Variants in GCSAML observed in about 807,000 individuals in gnomAD.
GCSAML encodes the protein germinal center-associated signaling and motility-like protein.
A neutral mutation model predicts 13.0 loss-of-function variants in GCSAML; 9 were observed. The observed-to-expected ratio is 0.69, with a 90% confidence interval of 0.42 to 1.21. The LOEUF (loss-of-function observed/expected upper bound fraction) is 1.21. Among genes scored for constraint, GCSAML ranks in the 50% most tolerant of loss-of-function variants. GCSAML has a pLI of 0.00. For missense variants in GCSAML, 143 were observed against 153.4 expected (o/e 0.93, Z 0.36); for synonymous variants, 37 against 52.9 (o/e 0.70, Z 1.31).
chr1:247,517,243 C>A (rs1447460092), intron 1 of GCSAML, among the ~76,000 whole-genome samples: 1 of 152,150 alleles, frequency 6.6e-6, no homozygotes, highest in Non-Finnish European at 1.5e-5. Flanking sequence ...TTCAGGGCTC[C>A]CCTGTTCTCT....
intron 2 of GCSAML, chr1:247,529,718 GTTTTTTTTTTTTTTT>G (rs57236564): frequency 3.7e-5 from 4 of 108,308 alleles, no homozygotes; most frequent in African/African-American, 1.1e-4. Context: ...CTGTGAAGGT[GTTTTTTTTTTTTTTT>G]TTTTTTTTTT....
In GCSAML at chr1:247,527,286, T is replaced by TC; in HGVS notation, c.-148+232_-148+233insC. 1 of 318,486 alleles carries TC rather than the reference T, an allele frequency of 3.1e-6. No homozygotes were observed. The highest frequency in any genetic ancestry group is 6.2e-6 in the Non-Finnish European group (1 of 161,910). 19.7% of individuals were successfully genotyped at this position (318,486 alleles called of 1,614,324 possible). A position where few individuals can be genotyped will look rare whatever the true frequency, so the allele number is the denominator to read the frequency against. The stretch of plus-strand genomic sequence containing the variant: ...CCTCATGGTTCTGGGAGGGTCTGCG[T>TC]TGTCTGCTATCCCCACATAAACTGA... On this transcript the variant is annotated intron_variant, in intron 2 of 5. Transcript: ENST00000366489. The surrounding 1 kb of genome is among the most constrained non-coding windows in gnomAD (Gnocchi z 4.6).
intron 1 of GCSAML, among the ~76,000 whole-genome samples, chr1:247,510,711 C>T (rs1221681267): frequency 6.6e-6 from 1 of 152,042 alleles, no homozygotes; most frequent in Non-Finnish European, 1.5e-5. Context: ...TTGTTCTCCT[C>T]GGTTTCAAAG....
chr1:247,525,953 T>C (rs1666666015), intron 1 of GCSAML: 1 of 152,242 alleles, frequency 6.6e-6, no homozygotes, highest in South Asian at 2.1e-4. Flanking sequence ...ACCAAATATA[T>C]GCTTCAGAGT....
intron 2 of GCSAML, chr1:247,531,876 C>T: frequency 6.2e-7 from 1 of 1,614,214 alleles, no homozygotes; most frequent in Non-Finnish European, 8.5e-7. Flanking sequence ...GGATGAGCCC[C>T]AGAGGCAGGA....
intron 1 of GCSAML, among the ~76,000 whole-genome samples, chr1:247,517,832 C>G (rs1252573035): frequency 6.6e-6 from 1 of 152,180 alleles, no homozygotes; most frequent in Non-Finnish European, 1.5e-5. Flanking sequence ...AGCCTGTGAA[C>G]CTCTCTAAAT....
chr1:247,512,670 T>C lies in GCSAML; in HGVS notation c.-263+5437T>C, dbSNP rs376139089. Among the ~76,000 whole-genome samples the C allele has an allele frequency of 1.6e-3, 251 of 152,334 alleles. 1 individual carries two copies. Among genetic ancestry groups the C allele is most frequent in the African/African-American group, 5.7e-3 (239 of 41,586 alleles). On this transcript the variant is annotated intron_variant, in intron 1 of 5. Transcript: ENST00000366489. ...ATTTACCTACCTTTGGTCTTTGATG[T>C]TGGTGACCTTCAGATGGGGTTTCTG...
chr1:247,508,450 T>C (rs1390559420), intron 1 of GCSAML, among the ~76,000 whole-genome samples: 1 of 152,194 alleles, frequency 6.6e-6, no homozygotes, highest in Admixed American at 6.5e-5. Context: ...TTTTCTGCCA[T>C]TCTGTAGGTT....
At chr1:247,519,516 C>G (rs1666341925) in intron 1 of GCSAML, 1 of 152,230 alleles carries the variant, frequency 6.6e-6, no homozygotes, top group Admixed American at 6.5e-5. Flanking sequence ...CCTGCCCCCT[C>G]AGGCCCTAAG....
Position 247,575,158 on chromosome 1 carries a change from A to T in GCSAML, c.*776A>T, listed in dbSNP as rs1225084351. On this transcript the variant is annotated 3_prime_UTR_variant, in exon 5 of 5. Coordinates refer to ENST00000366488, the MANE Select transcript of GCSAML (RefSeq NM_145278.5). ...ACCGATGTGCACTTTCCATTTAATG[A>T]TTTATGTCTTTGCTTGTAACTCCTG... 2 of 152,006 alleles carry T rather than the reference A, an allele frequency of 1.3e-5. No individual in the cohort carries two copies. Among genetic ancestry groups the T allele is most frequent in the African/African-American group, 4.8e-5 (2 of 41,374 alleles). 9.4% of individuals were successfully genotyped at this position (152,006 alleles called of 1,614,324 possible).
Position 247,573,838 on chromosome 1 carries a change from ATTTG to A in GCSAML, c.169-297_169-294del, listed in dbSNP as rs1259192426. ...ATCCTTGAACATGGAATATTTTTCC[ATTTG>A]TTTGTTTCCTCTCTTATTTCCTTGA... On this transcript the variant is annotated intron_variant, in intron 4 of 4. Coordinates refer to ENST00000366488, the MANE Select transcript of GCSAML (RefSeq NM_145278.5). 4.6e-5 allele frequency among the ~76,000 whole-genome samples: 7 copies of A among 152,162 alleles called. No individual in the cohort carries two copies. The East Asian group carries it at 1.4e-3, about 29-fold the overall frequency.
chr1:247,560,593 T>A (rs7528090), intron 2 of GCSAML, among the ~76,000 whole-genome samples: 41,182 of 151,820 alleles, frequency 0.27, 8,423 homozygotes, highest in African/African-American at 0.57. Flanking sequence ...TTTATTTTAA[T>A]TTTTTTTCTC....
intron 4 of GCSAML, 50 bp downstream of exon 4, chr1:247,566,009 A>G (rs548732030): frequency 3.7e-6 from 5 of 1,359,268 alleles, no homozygotes; most frequent in East Asian, 2.5e-5. Flanking sequence ...AACTTTTATT[A>G]TGTTTGTCTG....
At chr1:247,532,139 C>T (rs778788116) in intron 2 of GCSAML, 19 of 1,613,848 alleles carry the variant, frequency 1.2e-5, no homozygotes, top group East Asian at 2.2e-5. Context: ...CAGATGGCAG[C>T]GTAGCGGTCA....
At chr1:247,571,199 C>T (rs1668598531) in intron 4 of GCSAML, among the ~76,000 whole-genome samples, 1 of 152,166 alleles carries the variant, frequency 6.6e-6, no homozygotes, top group Non-Finnish European at 1.5e-5. Flanking sequence ...AGCCCATTTA[C>T]ATTTAAGTTT....
upstream of GCSAML, among the ~76,000 whole-genome samples, chr1:247,545,062 G>T (rs1163388046): frequency 6.6e-6 from 1 of 152,174 alleles, no homozygotes; most frequent in South Asian, 2.1e-4. Flanking sequence ...TGAAATGCTA[G>T]CTTTTTCATT....
intron 2 of GCSAML, among the ~76,000 whole-genome samples, chr1:247,534,180 T>G (rs1414021393): frequency 6.6e-6 from 1 of 152,212 alleles, no homozygotes; most frequent in Non-Finnish European, 1.5e-5. Flanking sequence ...AAACTACTCT[T>G]ATTTCTTTTG....
At chr1:247,569,221 G>A (rs1016148813) in intron 4 of GCSAML, among the ~76,000 whole-genome samples, 2 of 152,180 alleles carry the variant, frequency 1.3e-5, no homozygotes, top group Admixed American at 1.3e-4. Context: ...TGATTGCCCT[G>A]GTCAGAACTC....
intron 4 of GCSAML, among the ~76,000 whole-genome samples, chr1:247,568,555 C>G (rs1668476139): frequency 1.3e-5 from 2 of 152,060 alleles, no homozygotes; most frequent in Non-Finnish European, 1.5e-5. Context: ...GGTAGCAGTA[C>G]CATGCTGTTT....
Sources: allele counts gnomAD v4.1 joint callset (sites outside exome capture counted in the v4.1 genomes callset), GRCh38; gene constraint gnomAD v4.1.1; non-coding constraint Gnocchi (gnomAD v3.1); transcripts MANE v1.5; gene names NCBI Gene and HGNC (gene_info 2026-07-23, HGNC 2026-07-21).